Variants in DAAM1 observed in about 807,000 individuals in gnomAD.
The protein encoded by DAAM1 is dishevelled associated activator of morphogenesis 1.
Under a neutral mutation model 130.0 loss-of-function variants are expected in DAAM1, and 52 were observed. The ratio of observed to expected loss-of-function variants is 0.40; its 90% CI spans 0.32 to 0.50. The LOEUF is 0.50. Ranked by LOEUF, DAAM1 falls within the 20% of genes least tolerant of loss-of-function variation. The probability of loss-of-function intolerance (pLI) is 0.61; values close to 1 mark genes in which losing one functional copy is unlikely to be tolerated. For missense variants in DAAM1, 1,134 were observed against 1,303.8 expected (o/e 0.87, Z 2.01); for synonymous variants, 452 against 444.5 (o/e 1.02, Z -0.21).
chr14:59,310,154 A>C (rs1794199295), intron 3 of DAAM1, among the ~76,000 whole-genome samples: 1 of 147,140 alleles, frequency 6.8e-6, no homozygotes, highest in East Asian at 2.0e-4. Flanking sequence ...TCTGTGGCCC[A>C]GGCTGGAGTG....
At chr14:59,300,575 A>G (rs1255910885) in intron 3 of DAAM1, among the ~76,000 whole-genome samples, 1 of 152,220 alleles carries the variant, frequency 6.6e-6, no homozygotes, top group Non-Finnish European at 1.5e-5. Context: ...AAAACGTTAA[A>G]TATACAAAAA....
chr14:59,337,585 C>A (rs1194991983), intron 15 of DAAM1, among the ~76,000 whole-genome samples: 2 of 152,216 alleles, frequency 1.3e-5, no homozygotes, highest in Non-Finnish European at 2.9e-5. Flanking sequence ...GCAACGTATG[C>A]TGTAACTTTC....
At chr14:59,262,450 A>G (rs1402220497) in intron 1 of DAAM1, among the ~76,000 whole-genome samples, 1 of 152,148 alleles carries the variant, frequency 6.6e-6, no homozygotes, top group African/African-American at 2.4e-5. Flanking sequence ...GAAAATTTGG[A>G]TTCAAAAGGG....
At chr14:59,306,115 A>G (rs1262491556) in intron 3 of DAAM1, among the ~76,000 whole-genome samples, 3 of 151,980 alleles carry the variant, frequency 2.0e-5, no homozygotes, top group Non-Finnish European at 2.9e-5. Flanking sequence ...AGAGAGAGTG[A>G]AGTATTTAAA....
rs201543720 is a variant in DAAM1 at position 59,360,789 on chromosome 14, C to G, written c.2634-13C>G. The G allele has an allele frequency of 6.2e-7, 1 of 1,610,876 alleles. No homozygotes were observed. Among genetic ancestry groups the G allele is most frequent in the African/African-American group, 1.3e-5 (1 of 74,844 alleles). The stretch of plus-strand genomic sequence containing the variant: ...TCACATGTTGATTGCTAAAACATTG[C>G]TATTTACAACAGCATGACTGAGCTG... On this transcript the variant is annotated splice_polypyrimidine_tract_variant and intron_variant, in intron 21 of 24. Transcript: ENST00000360909.
At chr14:59,277,412 G>A (rs944200840) in intron 2 of DAAM1, among the ~76,000 whole-genome samples, 2 of 151,966 alleles carry the variant, frequency 1.3e-5, no homozygotes, top group East Asian at 1.9e-4. Context: ...ACTTTGTTAC[G>A]GATGAAGCCT....
chr14:59,201,508 G>T (rs988605923), intron 1 of DAAM1, among the ~76,000 whole-genome samples: 1 of 151,980 alleles, frequency 6.6e-6, no homozygotes, highest in African/African-American at 2.4e-5. Flanking sequence ...CCAGCTACTC[G>T]GGAGGCTGAG....
intron 13 of DAAM1, among the ~76,000 whole-genome samples, chr14:59,330,950 G>A (rs1174631412): frequency 2.6e-5 from 4 of 152,170 alleles, no homozygotes; most frequent in Admixed American, 6.5e-5. Flanking sequence ...ATGAAAACCA[G>A]ACTGTCTGTG....
intron 1 of DAAM1, among the ~76,000 whole-genome samples, chr14:59,247,467 T>G (rs1881438744): frequency 6.6e-6 from 1 of 152,226 alleles, no homozygotes; most frequent in Admixed American, 6.5e-5. Flanking sequence ...ATCTGTAGAT[T>G]GCTTTAGATA....
At chr14:59,321,703 ATTCCCT>A (rs1378634659) in intron 5 of DAAM1, among the ~76,000 whole-genome samples, 1 of 152,262 alleles carries the variant, frequency 6.6e-6, no homozygotes, top group East Asian at 1.9e-4. Flanking sequence ...GAAAATAAAG[ATTCCCT>A]TTCTTTATTT....
intron 21 of DAAM1, among the ~76,000 whole-genome samples, chr14:59,360,075 G>GC (rs1886643898): frequency 6.6e-6 from 1 of 152,070 alleles, no homozygotes; most frequent in Non-Finnish European, 1.5e-5. Flanking sequence ...AGTATAATGA[G>GC]CAGGCTCATT....
Position 59,369,012 on chromosome 14 carries a change from T to A in DAAM1, c.*153T>A. 1.5e-6 allele frequency: 1 copy of A among 646,428 alleles called. No individual in the cohort carries two copies. Among genetic ancestry groups the A allele is most frequent in the East Asian group, 2.8e-5 (1 of 36,200 alleles). The allele number at this position is 646,428 out of a possible 1,614,324, so 40.0% of individuals were successfully genotyped here. On this transcript the variant is annotated 3_prime_UTR_variant, in exon 25 of 25. Transcript: ENST00000360909. ...ACGTGTGTATGTAAATGTATGTGTG[T>A]ATATATTAAAAAATGTATATAGATG...
chr14:59,326,547 A>G lies in DAAM1; in HGVS notation c.1212A>G (p.Leu404=). The change falls in exon 11 of 25, where the codon CTA becomes CTG. Residue 404 remains leucine (L), a synonymous_variant. Transcript: ENST00000360909. ...RSGNTVQYWL[L]LDRIIQQIVI... Reference sequence around the variant, plus strand: ...GCAACACTGTTCAGTACTGGCTACTACTAGATAGAATTATACAGCAGATAG... The same window carrying G: ...GCAACACTGTTCAGTACTGGCTACTGCTAGATAGAATTATACAGCAGATAG... 2.5e-6 allele frequency: 4 copies of G among 1,613,760 alleles called. No individual in the cohort carries two copies. The highest frequency in any genetic ancestry group is 1.1e-5 in the South Asian group (1 of 91,000).
At chr14:59,287,262 T>G (rs1883504779) in intron 2 of DAAM1, among the ~76,000 whole-genome samples, 1 of 152,054 alleles carries the variant, frequency 6.6e-6, no homozygotes, top group Non-Finnish European at 1.5e-5. Flanking sequence ...TTCAACAAAT[T>G]AGGCATCAAA....
chr14:59,230,095 A>G (rs1176875063), intron 1 of DAAM1, among the ~76,000 whole-genome samples: 1 of 152,152 alleles, frequency 6.6e-6, no homozygotes, highest in Non-Finnish European at 1.5e-5. Flanking sequence ...GTTGAGACAA[A>G]CCACACAACA....
intron 20 of DAAM1, chr14:59,357,400 A>G (rs188069114): frequency 2.0e-5 from 3 of 152,290 alleles, no homozygotes; most frequent in Admixed American, 2.0e-4. Context: ...CTTTCTTGTG[A>G]TGGTGGCTGG....
At chr14:59,302,371 A>T (rs1311821503) in intron 3 of DAAM1, among the ~76,000 whole-genome samples, 1 of 152,234 alleles carries the variant, frequency 6.6e-6, no homozygotes, top group African/African-American at 2.4e-5. Flanking sequence ...GATTGGTTGG[A>T]CAACCCAATT....
At chr14:59,289,062 T>A (rs1453315901) in intron 2 of DAAM1, among the ~76,000 whole-genome samples, 5 of 152,078 alleles carry the variant, frequency 3.3e-5, no homozygotes, top group African/African-American at 1.2e-4. Flanking sequence ...ACTACAGGCG[T>A]GTGCCACCAC....
In DAAM1 at chr14:59,196,615, C is replaced by T. The variant is rs544479943; in HGVS notation, c.-38+7847C>T. 9.1e-4 allele frequency among the ~76,000 whole-genome samples: 139 copies of T among 152,086 alleles called. 1 individual carries two copies. The South Asian group carries it at 0.028, about 31-fold the overall frequency. ...AAAATTAGCCGGGCGTGGTGGCGGG[C>T]GCCTGTAGTCCCAGCTACTCCGGAG... is the stretch of plus-strand genomic sequence containing the variant. On this transcript the variant is annotated intron_variant, in intron 1 of 24. Coordinates refer to ENST00000360909, the MANE Select transcript of DAAM1 (RefSeq NM_001270520.2).
Sources: allele counts gnomAD v4.1 joint callset (sites outside exome capture counted in the v4.1 genomes callset), GRCh38; gene constraint gnomAD v4.1.1; transcripts MANE v1.5; gene names NCBI Gene and HGNC (gene_info 2026-07-23, HGNC 2026-07-21).